Variants in RUFY1 observed in about 807,000 individuals in gnomAD.
RUFY1 encodes RUN and FYVE domain-containing protein 1.
RUFY1 carries 54 observed loss-of-function variants against 94.6 expected under a neutral mutation model. The ratio of observed to expected loss-of-function variants is 0.57; its 90% CI spans 0.46 to 0.72. The LOEUF is 0.72. Among genes scored for constraint, RUFY1 ranks in the 30% least tolerant of loss-of-function variants. RUFY1 has a pLI of 0.00. For synonymous variants in RUFY1, 396 were observed against 347.3 expected, an observed-to-expected ratio of 1.14 and a Z score of -1.56; for missense variants, 883 against 883.9, an observed-to-expected ratio of 1.00 and a Z score of 0.01.
intron 10 of RUFY1, among the ~76,000 whole-genome samples, chr5:179,593,272 T>G (rs948377427): frequency 1.3e-5 from 2 of 151,946 alleles, no homozygotes; most frequent in African/African-American, 4.8e-5. Flanking sequence ...GAGATGGGGT[T>G]TCGCCATCTT....
Position 179,577,098 on chromosome 5 carries a change from C to A in RUFY1, c.852C>A (p.Leu284=). 1 of 1,597,256 alleles carries A rather than the reference C, an allele frequency of 6.3e-7. No homozygotes were observed. The highest frequency in any genetic ancestry group is 8.6e-7 in the Non-Finnish European group (1 of 1,169,418). ...DSQVGVIDFS[L]YLKDVQDLDG... ...AGGTTGGAGTAATAGATTTTTCCCT[C>A]TACCTTAAGGATGTGCAGGATCTTG... Residue 284 remains leucine (L), a synonymous_variant, in exon 6 of 18, where the codon CTC becomes CTA. Coordinates refer to ENST00000319449, the MANE Select transcript of RUFY1 (RefSeq NM_025158.5).
At chr5:179,560,590 G>A (rs1762377070) in intron 2 of RUFY1, among the ~76,000 whole-genome samples, 1 of 151,418 alleles carries the variant, frequency 6.6e-6, no homozygotes, top group Admixed American at 6.6e-5. Context: ...GCTGGGCGTG[G>A]TAGCGGGCGC....
chr5:179,578,416 A>G (rs1052070609), intron 6 of RUFY1, among the ~76,000 whole-genome samples: 9 of 150,576 alleles, frequency 6.0e-5, no homozygotes, highest in Admixed American at 2.0e-4. Flanking sequence ...ACCGGGTTTC[A>G]CCATATTGGC....
At chr5:179,603,274 AAAAC>A (rs1394424218) in intron 15 of RUFY1, among the ~76,000 whole-genome samples, 1 of 151,770 alleles carries the variant, frequency 6.6e-6, no homozygotes, top group Admixed American at 6.6e-5. Context: ...TCAAAAAAAA[AAAAC>A]AAATAGCTGG....
At chr5:179,602,688 G>A (rs1766570715) in intron 15 of RUFY1, 1 of 152,288 alleles carries the variant, frequency 6.6e-6, no homozygotes, top group South Asian at 2.1e-4. Flanking sequence ...CCAACTCAAA[G>A]TGGCTTAAGC....
chr5:179,569,371 A>G lies in RUFY1; in HGVS notation c.774A>G (p.Gly258=), dbSNP rs2127524408. Residue 258 remains glycine (G), a synonymous_variant, in exon 5 of 18, where the codon GGA becomes GGG. Coordinates refer to ENST00000319449, the MANE Select transcript of RUFY1 (RefSeq NM_025158.5). ...TGGTGATTGTTGGTCTGCTGGTGGG[A>G]CTCAATGTTCTCGATGCCAATCTCT... The part of the protein sequence containing the change: ...EGMVIVGLLV[G]LNVLDANLCL... 6.2e-7 allele frequency: 1 copy of G among 1,613,302 alleles called. No homozygotes were observed.
At chr5:179,589,831 C>T (rs539655226) in intron 9 of RUFY1, among the ~76,000 whole-genome samples, 184 bp downstream of exon 9, 4 of 152,222 alleles carry the variant, frequency 2.6e-5, no homozygotes, top group Non-Finnish European at 5.9e-5. Flanking sequence ...ATCCCTTGGA[C>T]GGGGACTCCC....
At chr5:179,569,152 A>T (rs1763041004) in intron 4 of RUFY1, 150 bp from the exon 5 acceptor site, 1 of 1,521,248 alleles carries the variant, frequency 6.6e-7, no homozygotes, top group African/African-American at 1.4e-5. Context: ...CAGCCGTTGA[A>T]GCAGTGAAGA....
At chr5:179,564,327 C>G (rs544145408) in intron 3 of RUFY1, among the ~76,000 whole-genome samples, 8 of 151,682 alleles carry the variant, frequency 5.3e-5, no homozygotes, top group Non-Finnish European at 1.5e-5. Flanking sequence ...ACCACATTGG[C>G]CAGGCTGGTC....
chr5:179,589,110 C>T (rs948250735), intron 8 of RUFY1, among the ~76,000 whole-genome samples: 3 of 151,886 alleles, frequency 2.0e-5, no homozygotes, highest in Non-Finnish European at 4.4e-5. Flanking sequence ...AACCTTTTTT[C>T]CTTATTAGTA....
intron 9 of RUFY1, among the ~76,000 whole-genome samples, chr5:179,589,943 G>A (rs528032134): frequency 1.1e-4 from 16 of 152,138 alleles, no homozygotes; most frequent in Non-Finnish European, 2.2e-4. Context: ...GCCGTGGGCG[G>A]GCCTGGGCCA....
chr5:179,553,482 C>T (rs990323689), intron 1 of RUFY1, among the ~76,000 whole-genome samples: 6 of 152,040 alleles, frequency 3.9e-5, no homozygotes, highest in African/African-American at 1.4e-4. Context: ...ATATATATCC[C>T]ATATGGATTT....
intron 2 of RUFY1, among the ~76,000 whole-genome samples, chr5:179,560,686 A>C (rs1203793593): frequency 1.4e-5 from 2 of 147,060 alleles, no homozygotes; most frequent in Admixed American, 6.9e-5. Flanking sequence ...AGATCGCGCC[A>C]CTGCACTCCA....
intron 6 of RUFY1, among the ~76,000 whole-genome samples, chr5:179,579,373 C>G (rs1468264840): frequency 3.3e-5 from 5 of 152,102 alleles, no homozygotes; most frequent in Non-Finnish European, 7.3e-5. Context: ...TCTTATTGCC[C>G]AGGCTGGAGT....
chr5:179,596,324 G>T (rs1320257347), intron 12 of RUFY1: 1 of 600,146 alleles, frequency 1.7e-6, no homozygotes, highest in Non-Finnish European at 3.0e-6. Flanking sequence ...TTCTCAAAAA[G>T]CCAAAGCCAT....
intron 13 of RUFY1, chr5:179,598,349 C>G (rs1040308424): frequency 3.7e-5 from 10 of 272,764 alleles, no homozygotes; most frequent in Non-Finnish European, 7.1e-5. Flanking sequence ...GGTGACAGAG[C>G]TAGACCCTGT....
chr5:179,565,164 CTTTTTTTTTTTTTT>C (rs138223106), intron 3 of RUFY1, among the ~76,000 whole-genome samples: 2 of 71,926 alleles, frequency 2.8e-5, no homozygotes, highest in Admixed American at 2.0e-4. Flanking sequence ...TCTAGGTTTT[CTTTTTTTTTTTTTT>C]TTTTTTTTTT....
At chr5:179,589,264 A>G (rs1159844811) in intron 8 of RUFY1, 1 of 368,178 alleles carries the variant, frequency 2.7e-6, no homozygotes, top group Non-Finnish European at 5.0e-6. Flanking sequence ...GTGTCTATAA[A>G]TCTTTGTCCA....
intron 17 of RUFY1, 138 bp from the exon 18 acceptor site, chr5:179,609,238 C>T (rs1170521823): frequency 1.3e-5 from 9 of 714,646 alleles, no homozygotes; most frequent in Non-Finnish European, 2.0e-5. Context: ...CCCTTGTTTG[C>T]ACACAGCCCC....
Sources: gnomAD v4.1 joint callset for allele counts (sites outside exome capture counted in the v4.1 genomes callset) on GRCh38, gnomAD v4.1.1 for gene constraint, MANE v1.5 for transcripts, NCBI Gene and HGNC (gene_info 2026-07-23, HGNC 2026-07-21) for gene names.